PTPRT: variants seen among roughly 807,000 people sequenced by gnomAD.
The protein encoded by PTPRT is receptor-type tyrosine-protein phosphatase T.
A neutral mutation model predicts 176.8 loss-of-function variants in PTPRT; 56 were observed. The ratio of observed to expected loss-of-function variants is 0.32; its 90% CI spans 0.26 to 0.40. PTPRT has a LOEUF of 0.40. PTPRT is among the 10% of genes least tolerant of loss of function. The pLI is 1.00. For missense variants in PTPRT, 1,540 were observed against 1,908.2 expected (o/e 0.81, Z 3.60); for synonymous variants, 783 against 739.0 (o/e 1.06, Z -0.96).
At chr20:42,727,301 C>T (rs531095058) in intron 6 of PTPRT, among the ~76,000 whole-genome samples, 4 of 152,164 alleles carry the variant, frequency 2.6e-5, no homozygotes, top group South Asian at 4.1e-4. Context: ...TGACATCTTT[C>T]GGTGAAGCTT....
chr20:42,123,265 T>C (rs976472369), intron 19 of PTPRT, among the ~76,000 whole-genome samples: 2 of 152,232 alleles, frequency 1.3e-5, no homozygotes, highest in African/African-American at 4.8e-5. Flanking sequence ...ATTCACATTT[T>C]AGTTGTGGAG....
chr20:43,160,396 T>A (rs1410857900), intron 1 of PTPRT, among the ~76,000 whole-genome samples: 1 of 152,210 alleles, frequency 6.6e-6, no homozygotes, highest in Non-Finnish European at 1.5e-5. Flanking sequence ...GGCATCTTGC[T>A]GCATCCAAAG....
intron 7 of PTPRT, among the ~76,000 whole-genome samples, chr20:42,541,122 T>G (rs887891485): frequency 1.3e-5 from 2 of 152,186 alleles, no homozygotes; most frequent in East Asian, 3.8e-4. Flanking sequence ...AGAACTTGGA[T>G]AGATTTTTAA....
chr20:42,978,171 T>C (rs910572548), intron 1 of PTPRT, among the ~76,000 whole-genome samples: 5 of 152,256 alleles, frequency 3.3e-5, no homozygotes, highest in African/African-American at 1.2e-4. Context: ...TTAATATCTA[T>C]GTTAAAGTTT....
intron 7 of PTPRT, among the ~76,000 whole-genome samples, chr20:42,564,027 C>T (rs371960598): frequency 1.1e-4 from 16 of 152,312 alleles, no homozygotes; most frequent in Non-Finnish European, 2.1e-4. Flanking sequence ...ATCTCACCAT[C>T]AGAAGAGGGA....
intron 1 of PTPRT, among the ~76,000 whole-genome samples, chr20:42,934,948 G>A (rs1307975401): frequency 1.3e-5 from 2 of 151,510 alleles, no homozygotes; most frequent in African/African-American, 4.8e-5. Flanking sequence ...CATAGTGGCG[G>A]TGCCTGTAAT....
At chr20:42,510,182 T>C (rs528615211) in intron 7 of PTPRT, among the ~76,000 whole-genome samples, 2 of 152,174 alleles carry the variant, frequency 1.3e-5, no homozygotes, top group South Asian at 2.1e-4. Context: ...AAAAGCACCA[T>C]CATGTGCATA....
chr20:42,408,741 G>T (rs933415496), intron 9 of PTPRT, among the ~76,000 whole-genome samples: 1 of 151,926 alleles, frequency 6.6e-6, no homozygotes, highest in African/African-American at 2.4e-5. Flanking sequence ...TAACTATCTC[G>T]GTCTGCCTTC....
rs116272761 is a variant in PTPRT, at chr20:42,794,362, C to T, written c.215-2896G>A. Among the ~76,000 whole-genome samples the T allele has an allele frequency of 7.8e-3, 1,195 of 152,286 alleles. 16 individuals are homozygous for T. Among genetic ancestry groups the T allele is most frequent in the African/African-American group, 0.028 (1,148 of 41,564 alleles). ...TGCCTCTCAAAGACTGGTCCTTGGA[C>T]CAGCCACCCCAGCATCACCTGGGAG... On this transcript the variant is annotated intron_variant, in intron 2 of 30. Coordinates refer to ENST00000373187, the MANE Select transcript of PTPRT (RefSeq NM_007050.6).
intron 1 of PTPRT, among the ~76,000 whole-genome samples, chr20:43,003,200 T>C (rs1388626584): frequency 6.6e-6 from 1 of 152,154 alleles, no homozygotes; most frequent in East Asian, 1.9e-4. Flanking sequence ...TATTGATTTA[T>C]TTTTTGAGAC....
chr20:42,957,685 T>A (rs1014505302), intron 1 of PTPRT, among the ~76,000 whole-genome samples: 2 of 152,182 alleles, frequency 1.3e-5, no homozygotes, highest in African/African-American at 2.4e-5. Context: ...AAGATTTTCA[T>A]TAATAAACCT....
At chr20:42,258,720 C>T (rs1311935177) in intron 13 of PTPRT, among the ~76,000 whole-genome samples, 1 of 152,132 alleles carries the variant, frequency 6.6e-6, no homozygotes, top group Admixed American at 6.5e-5. Flanking sequence ...TAAGTGACAT[C>T]ACCTAGGATG....
At position 42,276,496 on chromosome 20, in the gene PTPRT, AATATATATATATATATATATATAT is replaced by A. The variant is rs61484693; in HGVS notation, c.2176+5969_2176+5992del. Among the ~76,000 whole-genome samples the A allele has an allele frequency of 6.4e-3, 285 of 44,188 alleles. 3 individuals are homozygous for A. The highest frequency in any genetic ancestry group is 1.0e-2 in the African/African-American group (132 of 13,250). The allele number at this position is 44,188 out of a possible 152,430, so 29.0% of individuals were successfully genotyped here. A position where few individuals can be genotyped will look rare whatever the true frequency, so the allele number is the denominator to read the frequency against. ...TCAGAAAGGAAGAGAGAAAGAAGGA[AATATATATATATATATATATATAT>A]ATATATATATATATATATATATATA... On this transcript the variant is annotated intron_variant, in intron 13 of 30. Transcript: ENST00000373187.
chr20:42,409,480 GCAAAAAAAAAAAAAAAAA>G (rs1439730766), intron 9 of PTPRT, among the ~76,000 whole-genome samples: 1 of 62,594 alleles, frequency 1.6e-5, no homozygotes, highest in African/African-American at 7.7e-5. Context: ...AGACTCTGTC[GCAAAAAAAAAAAAAAAAA>G]AAAAAAAAAA....
At chr20:42,680,674 G>T in intron 6 of PTPRT, among the ~76,000 whole-genome samples, 1 of 152,036 alleles carries the variant, frequency 6.6e-6, no homozygotes, top group East Asian at 1.9e-4. Context: ...TGAGTGAGTG[G>T]CCCCATTTAG....
At position 42,940,503 on chromosome 20, in the gene PTPRT, T is replaced by C. The variant is rs1008694932; in HGVS notation, c.89-54571A>G. Among the ~76,000 whole-genome samples, 17 of 152,164 alleles carry C rather than the reference T, an allele frequency of 1.1e-4. 1 individual carries two copies. Among genetic ancestry groups the C allele is most frequent in the African/African-American group, 1.9e-4 (8 of 41,516 alleles). ...TGAATCCAAAAAGACAGGATAGATA[T>C]GAAAATCAGAGATGAAGTTGAAGAG... is the stretch of plus-strand genomic sequence containing the variant. On this transcript the variant is annotated intron_variant, in intron 1 of 30. Coordinates refer to ENST00000373187, the MANE Select transcript of PTPRT (RefSeq NM_007050.6).
chr20:42,495,432 C>T (rs1444209879), intron 7 of PTPRT, among the ~76,000 whole-genome samples: 1 of 152,112 alleles, frequency 6.6e-6, no homozygotes. Flanking sequence ...GGAGTCTCAC[C>T]TATACTTTCT....
At chr20:42,846,946 C>G (rs1007306886) in intron 2 of PTPRT, among the ~76,000 whole-genome samples, 13 of 152,322 alleles carry the variant, frequency 8.5e-5, no homozygotes, top group South Asian at 4.1e-4. Flanking sequence ...CTACTCCTTA[C>G]AAACAATGAG....
intron 7 of PTPRT, among the ~76,000 whole-genome samples, chr20:42,558,212 C>G (rs1480176579): frequency 2.0e-5 from 3 of 152,044 alleles, no homozygotes; most frequent in Non-Finnish European, 4.4e-5. Context: ...CATCATTTAC[C>G]TCCCACTTAT....
Sources: allele counts gnomAD v4.1 joint callset (sites outside exome capture counted in the v4.1 genomes callset), GRCh38; gene constraint gnomAD v4.1.1; transcripts MANE v1.5; gene names NCBI Gene and HGNC (gene_info 2026-07-23, HGNC 2026-07-21).